Variants in CNTNAP3B observed in about 807,000 individuals in gnomAD.
The protein encoded by CNTNAP3B is contactin-associated protein-like 3B.
A neutral mutation model predicts 108.9 loss-of-function variants in CNTNAP3B; 25 were observed. The observed-to-expected ratio is 0.23, with a 90% CI of 0.17 to 0.32. The LOEUF is 0.32. CNTNAP3B is among the 10% of genes least tolerant of loss of function. The pLI is 1.00. For missense variants in CNTNAP3B, 252 were observed against 1,210.4 expected, an observed-to-expected ratio of 0.21 and a Z score of 11.75; for synonymous variants, 103 against 473.4, an observed-to-expected ratio of 0.22 and a Z score of 10.16.
intron 9 of CNTNAP3B, among the ~76,000 whole-genome samples, chr9:41,973,104 A>ATT (rs762573740): frequency 1.9e-4 from 23 of 120,126 alleles, no homozygotes; most frequent in African/African-American, 6.1e-4. Context: ...TGCCCTGCTA[A>ATT]TTTTTTTTTT....
chr9:41,930,792 T>C (rs1484385292), intron 14 of CNTNAP3B, among the ~76,000 whole-genome samples: 2 of 152,266 alleles, frequency 1.3e-5, no homozygotes, highest in African/African-American at 2.4e-5. Context: ...GTCTTAGCTA[T>C]GCCACTAATT....
intron 2 of CNTNAP3B, among the ~76,000 whole-genome samples, chr9:42,086,712 C>T (rs542068988): frequency 2.8e-4 from 31 of 111,872 alleles, no homozygotes; most frequent in African/African-American, 8.4e-4. Flanking sequence ...CTCAAACTGG[C>T]GGCATTACAG....
At chr9:41,948,256 T>A (rs1419115983) in intron 13 of CNTNAP3B, among the ~76,000 whole-genome samples, 3 of 148,732 alleles carry the variant, frequency 2.0e-5, no homozygotes, top group Non-Finnish European at 4.5e-5. Flanking sequence ...CACACCCAAC[T>A]AATTTTTGTA....
At chr9:41,932,556 G>T (rs1303076843) in intron 14 of CNTNAP3B, among the ~76,000 whole-genome samples, 1 of 134,492 alleles carries the variant, frequency 7.4e-6, no homozygotes. Flanking sequence ...TCTCACTCTT[G>T]TCGCCCAGGC....
At chr9:41,945,604 C>A (rs1287221978) in intron 13 of CNTNAP3B, among the ~76,000 whole-genome samples, 1 of 152,302 alleles carries the variant, frequency 6.6e-6, no homozygotes, top group African/African-American at 2.4e-5. Context: ...CATCACACAC[C>A]GGGGCCTGTC....
intron 14 of CNTNAP3B, among the ~76,000 whole-genome samples, chr9:41,935,868 G>T (rs528281983): frequency 1.7e-3 from 252 of 152,334 alleles, no homozygotes; most frequent in African/African-American, 5.4e-3. Context: ...TGCAGTCCTT[G>T]ACGGTGCTGA....
intron 18 of CNTNAP3B, among the ~76,000 whole-genome samples, chr9:41,919,113 T>A (rs1174459862): frequency 6.6e-6 from 1 of 152,238 alleles, no homozygotes; most frequent in African/African-American, 2.4e-5. Context: ...TACTTAATAC[T>A]AAAATCAGTC....
chr9:41,952,967 C>A (rs1168995114), intron 13 of CNTNAP3B, among the ~76,000 whole-genome samples: 1 of 152,232 alleles, frequency 6.6e-6, no homozygotes, highest in Non-Finnish European at 1.5e-5. Flanking sequence ...ACTAGTCCTG[C>A]ATATGAACGC....
intron 3 of CNTNAP3B, among the ~76,000 whole-genome samples, chr9:42,055,042 C>T (rs998413840): frequency 1.4e-5 from 2 of 141,052 alleles, no homozygotes; most frequent in East Asian, 2.1e-4. Flanking sequence ...TATCAGTATA[C>T]TGAGCTTTAG....
rs1351714338 is a variant in CNTNAP3B at position 42,118,090 on chromosome 9, C to T, written c.85+10920G>A. Among the ~76,000 whole-genome samples, 3 of 136,462 alleles carry T rather than the reference C, an allele frequency of 2.2e-5. 1 individual carries two copies. The highest frequency in any genetic ancestry group is 4.7e-5 in the Non-Finnish European group (3 of 64,048). The allele number at this position is 136,462 out of a possible 152,430, so 89.5% of individuals were successfully genotyped here. A position where few individuals can be genotyped will look rare whatever the true frequency, so the allele number is the denominator to read the frequency against. On this transcript the variant is annotated intron_variant, in intron 1 of 23. Transcript: ENST00000377561. ...AGATGGATTCACAGCCCAATTCTACCAGAGGTACAAGGAGGAACTGGTACC... is the reference window on the plus strand; with the variant it reads ...AGATGGATTCACAGCCCAATTCTACTAGAGGTACAAGGAGGAACTGGTACC...
chr9:41,969,689 C>T (rs540636928), intron 10 of CNTNAP3B, among the ~76,000 whole-genome samples: 591 of 150,170 alleles, frequency 3.9e-3, no homozygotes, highest in Non-Finnish European at 5.6e-3. Flanking sequence ...GCGATCTCTG[C>T]TCACTGCAAG....
At chr9:42,071,960 T>C (rs1410178614) in intron 3 of CNTNAP3B, among the ~76,000 whole-genome samples, 3 of 149,998 alleles carry the variant, frequency 2.0e-5, no homozygotes, top group East Asian at 3.9e-4. Context: ...TAGTTTTGGA[T>C]GTGACTATTT....
intron 1 of CNTNAP3B, among the ~76,000 whole-genome samples, chr9:42,115,470 G>A (rs1345061662): frequency 7.2e-6 from 1 of 139,676 alleles, no homozygotes; most frequent in East Asian, 2.2e-4. Context: ...CCCAGTAGGG[G>A]CTGACTGACA....
chr9:41,952,311 T>G (rs1181438355), intron 13 of CNTNAP3B, among the ~76,000 whole-genome samples: 2 of 152,220 alleles, frequency 1.3e-5, no homozygotes, highest in Non-Finnish European at 2.9e-5. Flanking sequence ...GTTGCTCTGC[T>G]GCCCAAGCTG....
intron 3 of CNTNAP3B, among the ~76,000 whole-genome samples, chr9:42,019,580 C>T (rs1826270438): frequency 1.3e-5 from 1 of 75,314 alleles, no homozygotes; most frequent in African/African-American, 4.9e-5. Context: ...GGTGAAACCT[C>T]ATCTCTACTT....
At chr9:42,071,471 C>CG (rs1191537071) in intron 3 of CNTNAP3B, among the ~76,000 whole-genome samples, 1 of 134,706 alleles carries the variant, frequency 7.4e-6, no homozygotes, top group Non-Finnish European at 1.6e-5. Flanking sequence ...GCAGAGAATA[C>CG]GGTCAAAGTT....
intron 2 of CNTNAP3B, among the ~76,000 whole-genome samples, chr9:42,103,263 C>T (rs1828032345): frequency 6.8e-6 from 1 of 147,986 alleles, no homozygotes; most frequent in South Asian, 2.1e-4. Flanking sequence ...AAATCACAGA[C>T]TTAAGAAAAA....
intron 15 of CNTNAP3B, among the ~76,000 whole-genome samples, chr9:41,927,541 G>A (rs1164280340): frequency 2.7e-5 from 4 of 150,658 alleles, no homozygotes; most frequent in African/African-American, 4.9e-5. Flanking sequence ...GAGAGAAAGA[G>A]GGAGGGAGGG....
At chr9:41,914,301 T>TGA (rs1246036000) in intron 18 of CNTNAP3B, among the ~76,000 whole-genome samples, 1 of 131,414 alleles carries the variant, frequency 7.6e-6, no homozygotes, top group Non-Finnish European at 1.6e-5. Flanking sequence ...TCTTTCCATG[T>TGA]GATTATTGAC....
Sources: gnomAD v4.1 joint callset for allele counts (sites outside exome capture counted in the v4.1 genomes callset) on GRCh38, gnomAD v4.1.1 for gene constraint, MANE v1.5 for transcripts, NCBI Gene and HGNC (gene_info 2026-07-23, HGNC 2026-07-21) for gene names.